The following PLEKHM2 variants were observed in gnomAD, a reference collection of about 807,000 sequenced individuals.
PLEKHM2 encodes pleckstrin homology domain-containing family M member 2.
In PLEKHM2, 77 loss-of-function variants were observed where a neutral mutation model predicts 116.3. That is an observed-to-expected ratio of 0.66 (90% CI 0.55 to 0.80). The LOEUF (loss-of-function observed/expected upper bound fraction) is 0.80. Ranked by LOEUF, PLEKHM2 falls within the 30% of genes least tolerant of loss-of-function variation. The pLI is 0.00. For synonymous variants in PLEKHM2, 562 were observed against 571.0 expected, an observed-to-expected ratio of 0.98 and a Z score of 0.22; for missense variants, 1,183 against 1,354.9, an observed-to-expected ratio of 0.87 and a Z score of 1.99.
chr1:15,732,134 G>A (rs1201038296), intron 17 of PLEKHM2, 86 bp downstream of exon 17: 3 of 1,326,358 alleles, frequency 2.3e-6, no homozygotes, highest in Non-Finnish European at 3.1e-6. Context: ...CATAGTCACA[G>A]AGCAACCTGA....
At chr1:15,725,578 G>A (rs762391213) in intron 8 of PLEKHM2, 33 bp downstream of exon 8, 5 of 1,460,542 alleles carry the variant, frequency 3.4e-6, no homozygotes, top group East Asian at 2.5e-5. Context: ...AGGAGCTGAG[G>A]TCCTGGGGTC....
chr1:15,700,222 TTTTTG>T (rs916542397), intron 1 of PLEKHM2, among the ~76,000 whole-genome samples: 4 of 151,976 alleles, frequency 2.6e-5, no homozygotes, highest in African/African-American at 9.7e-5. Flanking sequence ...CCTGCTCAGT[TTTTTG>T]TTTTGTTTTG....
At chr1:15,716,034 C>G (rs1157624371) in intron 1 of PLEKHM2, among the ~76,000 whole-genome samples, 1 of 152,204 alleles carries the variant, frequency 6.6e-6, no homozygotes, top group Non-Finnish European at 1.5e-5. Context: ...GGGGACTGGG[C>G]TGTAAAGATA....
At chr1:15,726,963 C>A in intron 8 of PLEKHM2, 51 bp from the exon 9 acceptor site, 1 of 1,271,026 alleles carries the variant, frequency 7.9e-7, no homozygotes, top group Non-Finnish European at 1.1e-6. Context: ...TGGTTTTCCT[C>A]AGCACTGGAC....
intron 1 of PLEKHM2, among the ~76,000 whole-genome samples, chr1:15,704,644 C>T (rs1439633210): frequency 6.6e-6 from 1 of 152,172 alleles, no homozygotes; most frequent in Non-Finnish European, 1.5e-5. Context: ...GCCTCATTTG[C>T]TGATGCGGGA....
At chr1:15,703,465 G>T (rs1456552111) in intron 1 of PLEKHM2, among the ~76,000 whole-genome samples, 1 of 152,202 alleles carries the variant, frequency 6.6e-6, no homozygotes, top group Non-Finnish European at 1.5e-5. Context: ...CCTCTTTTGG[G>T]CTGGGCAGGG....
At position 15,718,635 on chromosome 1, in the gene PLEKHM2, C is replaced by T. The variant is rs1290066435; in HGVS notation, c.465+10C>T. 5.1e-6 allele frequency: 7 copies of T among 1,360,258 alleles called. No homozygotes were observed. In the Admixed American group the frequency reaches 1.3e-4, roughly 26 times the overall value. 84.3% of individuals were successfully genotyped at this position (1,360,258 alleles called of 1,614,324 possible). On this transcript the variant is annotated intron_variant, in intron 5 of 19. Coordinates refer to ENST00000375799, the MANE Select transcript of PLEKHM2 (RefSeq NM_015164.4). ...TTTCGAGCTGGATCTGGTGAGACAC[C>T]AGGGCTCTCACTGCTTGTGGGAAGC...
At chr1:15,687,720 A>G (rs1461767943) in intron 1 of PLEKHM2, among the ~76,000 whole-genome samples, 2 of 152,182 alleles carry the variant, frequency 1.3e-5, no homozygotes, top group East Asian at 3.8e-4. Flanking sequence ...CTGCTTTACT[A>G]GGAACCTGTT....
In PLEKHM2 at chr1:15,729,246, G is replaced by A. The variant is rs867537592; in HGVS notation, c.2075+56G>A. ...TTGGAGAGTTCGCAGCCGCCCATAG[G>A]TGTGGGTGGCCTGGGGGTCAGGGGT... On this transcript the variant is annotated intron_variant, in intron 13 of 19. Coordinates refer to ENST00000375799, the MANE Select transcript of PLEKHM2 (RefSeq NM_015164.4). This position sits in a 1 kb window ranked among gnomAD's most constrained non-coding sequence, Gnocchi z 4.7. 103 of 1,453,178 alleles carry A rather than the reference G, an allele frequency of 7.1e-5. No homozygotes were observed. Among genetic ancestry groups the A allele is most frequent in the Non-Finnish European group, 9.6e-5 (101 of 1,051,214 alleles). The allele number at this position is 1,453,178 out of a possible 1,614,324, so 90.0% of individuals were successfully genotyped here. A position where few individuals can be genotyped will look rare whatever the true frequency, so the allele number is the denominator to read the frequency against.
In PLEKHM2 at chr1:15,729,278, GGA is replaced by G; in HGVS notation, c.2075+89_2075+90del. 9.3e-7 allele frequency: 1 copy of G among 1,077,272 alleles called. No homozygotes were observed. The highest frequency in any genetic ancestry group is 1.4e-6 in the Non-Finnish European group (1 of 714,304). The allele number at this position is 1,077,272 out of a possible 1,614,324, so 66.7% of individuals were successfully genotyped here. A position where few individuals can be genotyped will look rare whatever the true frequency, so the allele number is the denominator to read the frequency against. On this transcript the variant is annotated intron_variant, in intron 13 of 19. Transcript: ENST00000375799. The surrounding 1 kb of genome is among the most constrained non-coding windows in gnomAD (Gnocchi z 4.7). ...TGGCCTGGGGGTCAGGGGTGGAGGT[GGA>G]AAGTGGGAGATCCAGGAGGGGAAAC...
At chr1:15,697,646 T>C (rs1641023709) in intron 1 of PLEKHM2, among the ~76,000 whole-genome samples, 2 of 152,236 alleles carry the variant, frequency 1.3e-5, no homozygotes, top group African/African-American at 4.8e-5. Context: ...TACCTGCTTT[T>C]TTCCAGCTTT....
rs368710162 is a variant in PLEKHM2 at position 15,727,134 on chromosome 1, C to T, written c.1062C>T (p.Arg354=). 1.9e-6 allele frequency: 3 copies of T among 1,591,970 alleles called. No individual in the cohort carries two copies. In the African/African-American group the frequency reaches 4.0e-5, roughly 21 times the overall value. ...KCAKQGDGDS[R]NGSPSLGRDS... Reference sequence around the variant, plus strand: ...CCAAGCAGGGGGACGGTGACAGCCGCAACGGCAGCCCAAGCCTTGGGCGGG... The same window carrying T: ...CCAAGCAGGGGGACGGTGACAGCCGTAACGGCAGCCCAAGCCTTGGGCGGG... Residue 354 remains arginine (R), a synonymous_variant, in exon 9 of 20, where the codon CGC becomes CGT. Transcript: ENST00000375799. This position sits in a 1 kb window ranked among gnomAD's most constrained non-coding sequence, Gnocchi z 7.5.
chr1:15,711,149 C>G (rs922635111), intron 1 of PLEKHM2, among the ~76,000 whole-genome samples: 2 of 152,008 alleles, frequency 1.3e-5, no homozygotes, highest in African/African-American at 4.8e-5. Context: ...ATCCCTTGAG[C>G]CCAGGAGTTC....
chr1:15,709,947 C>T (rs1010354403), intron 1 of PLEKHM2, among the ~76,000 whole-genome samples: 2 of 152,004 alleles, frequency 1.3e-5, no homozygotes, highest in Non-Finnish European at 2.9e-5. Flanking sequence ...TAGTACAAGC[C>T]GGGCGCGGTG....
intron 1 of PLEKHM2, among the ~76,000 whole-genome samples, chr1:15,697,273 G>A (rs970809882): frequency 6.6e-5 from 10 of 152,198 alleles, no homozygotes; most frequent in Admixed American, 2.6e-4. Context: ...GAGTAGAATC[G>A]TGTGCACTCT....
chr1:15,723,615 C>T (rs1390550930), intron 7 of PLEKHM2, among the ~76,000 whole-genome samples: 1 of 152,030 alleles, frequency 6.6e-6, no homozygotes, highest in African/African-American at 2.4e-5. Flanking sequence ...TGGTGCACGC[C>T]TATAGTCCCA....
At chr1:15,690,223 G>T (rs999543292) in intron 1 of PLEKHM2, among the ~76,000 whole-genome samples, 1 of 149,680 alleles carries the variant, frequency 6.7e-6, no homozygotes, top group Admixed American at 6.7e-5. Flanking sequence ...AGACCACCAC[G>T]CCCTGCTAAT....
chr1:15,691,744 G>T (rs1046537228), intron 1 of PLEKHM2, among the ~76,000 whole-genome samples: 1 of 152,160 alleles, frequency 6.6e-6, no homozygotes, highest in Non-Finnish European at 1.5e-5. Flanking sequence ...GCCTTGCATG[G>T]TGAACTTTTT....
intron 2 of PLEKHM2, 150 bp from the exon 3 acceptor site, chr1:15,716,557 T>G: frequency 1.3e-6 from 1 of 743,546 alleles, no homozygotes; most frequent in Non-Finnish European, 2.2e-6. Flanking sequence ...TTGCCACAAA[T>G]GATATGATGG....
Sources: gnomAD v4.1 joint callset for allele counts (sites outside exome capture counted in the v4.1 genomes callset) on GRCh38, gnomAD v4.1.1 for gene constraint, Gnocchi (gnomAD v3.1) non-coding constraint, MANE v1.5 for transcripts, NCBI Gene and HGNC (gene_info 2026-07-23, HGNC 2026-07-21) for gene names.